UBR2: variants seen among roughly 807,000 people sequenced by gnomAD.
UBR2 encodes the protein E3 ubiquitin-protein ligase UBR2.
A neutral mutation model predicts 247.9 loss-of-function variants in UBR2; 92 were observed. That is an observed-to-expected ratio of 0.37 (90% CI 0.31 to 0.44). The LOEUF is 0.44. Among genes scored for constraint, UBR2 ranks in the 20% least tolerant of loss-of-function variants. UBR2 has a pLI of 1.00. For synonymous variants in UBR2, 672 were observed against 693.5 expected (o/e 0.97, Z 0.49); for missense variants, 1,613 against 2,112.6 (o/e 0.76, Z 4.64).
At chr6:42,618,033 G>A (rs1794670834) in intron 11 of UBR2, among the ~76,000 whole-genome samples, 1 of 152,146 alleles carries the variant, frequency 6.6e-6, no homozygotes, top group Admixed American at 6.6e-5. Flanking sequence ...TATTTAATTT[G>A]TTCAGCAAAT....
chr6:42,673,156 T>A (rs1798539978), intron 36 of UBR2, among the ~76,000 whole-genome samples: 1 of 152,210 alleles, frequency 6.6e-6, no homozygotes, highest in Non-Finnish European at 1.5e-5. Context: ...TACCACCATC[T>A]TCTTAGACAG....
intron 23 of UBR2, among the ~76,000 whole-genome samples, 177 bp downstream of exon 23, chr6:42,650,563 A>G (rs1363850992): frequency 6.6e-6 from 1 of 152,176 alleles, no homozygotes; most frequent in Non-Finnish European, 1.5e-5. Context: ...TCTTGAGTAG[A>G]TGAGATTACA....
At chr6:42,582,282 C>CA (rs397887989) in intron 2 of UBR2, among the ~76,000 whole-genome samples, 6,516 of 85,760 alleles carry the variant, frequency 0.076, 386 homozygotes, top group South Asian at 0.12. Context: ...GACTCCGTCT[C>CA]AAAAAAAAAA....
rs201145148 is a variant in UBR2, at chr6:42,688,253, A to G, written c.4891A>G (p.Thr1631Ala). The change falls in exon 45 of 47, where the codon ACT becomes GCT. Residue 1631 changes from threonine to alanine, a missense_variant. Around this residue, in one of 3 missense-constraint regions of UBR2, gnomAD observed 1,524 missense variants for 1,967.3 expected, o/e 0.77. Transcript: ENST00000372901. Reference sequence around the variant, plus strand: ...AGGTGGTGATAAGAGCAGAGCCCCAACTCTGTGCCTTGTGTGCGGATCTCT... The same window carrying G: ...AGGTGGTGATAAGAGCAGAGCCCCAGCTCTGTGCCTTGTGTGCGGATCTCT... ...KSGGDKSRAP[T>A]LCLVCGSLLC... 6 of 1,614,008 alleles carry G rather than the reference A, an allele frequency of 3.7e-6. No individual in the cohort carries two copies. The highest frequency in any genetic ancestry group is 4.5e-5 in the East Asian group (2 of 44,886).
In UBR2 at chr6:42,612,273, A is replaced by G; in HGVS notation, c.967A>G (p.Ser323Gly). 3 of 1,523,244 alleles carry G rather than the reference A, an allele frequency of 2.0e-6. No homozygotes were observed. Among genetic ancestry groups the G allele is most frequent in the Non-Finnish European group, 2.7e-6 (3 of 1,117,234 alleles). The allele number at this position is 1,523,244 out of a possible 1,614,324, so 94.4% of individuals were successfully genotyped here. ...TTTGAAACTTTTGTCTTGGCTGGGA[A>G]GTATTATTGGATATTCAGGTAGGTT... The part of the protein sequence containing the change: ...FGLKLLSWLG[S>G]IIGYSDGLRR... The change falls in exon 8 of 47, where the codon AGT becomes GGT. Residue 323 changes from serine to glycine, a missense_variant. By Grantham distance (56) the Ser-to-Gly change is moderately conservative (BLOSUM62 0). Transcript: ENST00000372901.
chr6:42,597,964 C>T (rs538634457), intron 4 of UBR2, among the ~76,000 whole-genome samples: 1 of 152,036 alleles, frequency 6.6e-6, no homozygotes, highest in East Asian at 1.9e-4. Flanking sequence ...ATTAAGATAG[C>T]ATTTTGTTTA....
At chr6:42,646,464 C>CAGAGGAAA (rs1264085494) in intron 21 of UBR2, among the ~76,000 whole-genome samples, 4 of 152,190 alleles carry the variant, frequency 2.6e-5, no homozygotes, top group Non-Finnish European at 5.9e-5. Flanking sequence ...CTGTGCCCCA[C>CAGAGGAAA]TGTATTATTT....
intron 16 of UBR2, among the ~76,000 whole-genome samples, 185 bp downstream of exon 16, chr6:42,640,455 G>C (rs1033914921): frequency 1.3e-5 from 2 of 151,476 alleles, no homozygotes; most frequent in African/African-American, 2.4e-5. Context: ...TATATAGAGA[G>C]AGAGAGACAG....
intron 32 of UBR2, among the ~76,000 whole-genome samples, chr6:42,665,164 A>G (rs1798034820): frequency 6.6e-6 from 1 of 152,224 alleles, no homozygotes; most frequent in African/African-American, 2.4e-5. Context: ...AAGAAATTCT[A>G]GCAAATTCCA....
chr6:42,668,350 G>A (rs1735229354), intron 34 of UBR2, among the ~76,000 whole-genome samples: 1 of 152,184 alleles, frequency 6.6e-6, no homozygotes, highest in Admixed American at 6.6e-5. Context: ...TTCTAGGGTA[G>A]AAGTAACTTT....
Position 42,659,660 on chromosome 6 carries a change from G to A in UBR2, c.3247G>A (p.Val1083Met), listed in dbSNP as rs1181384596. 8 of 1,613,280 alleles carry A rather than the reference G, an allele frequency of 5.0e-6. No homozygotes were observed. Among genetic ancestry groups the A allele is most frequent in the Non-Finnish European group, 5.9e-6 (7 of 1,179,680 alleles). The change falls in exon 30 of 47, where the codon GTG becomes ATG. Residue 1083 changes from valine to methionine, a missense_variant. By Grantham distance (21) the Val-to-Met change is conservative (BLOSUM62 1). Around this residue, in one of 3 missense-constraint regions of UBR2, gnomAD observed 1,524 missense variants for 1,967.3 expected, o/e 0.77. Transcript: ENST00000372901. The surrounding 1 kb of genome is among the most constrained non-coding windows in gnomAD (Gnocchi z 4.3). ...STSAVLDHSPVASDMTLTALG... is the reference protein window; with the variant it reads ...STSAVLDHSPMASDMTLTALG... ...TTCATAACCTTTGTATTGCAGCCCT[G>A]TGGCTTCAGATATGACACTTACAGC...
intron 5 of UBR2, among the ~76,000 whole-genome samples, chr6:42,604,807 A>T (rs910316879): frequency 2.0e-5 from 3 of 152,156 alleles, no homozygotes; most frequent in African/African-American, 7.2e-5. Context: ...CAGGTAGATC[A>T]CTTGAGCCCA....
intron 2 of UBR2, among the ~76,000 whole-genome samples, chr6:42,579,671 A>G (rs73438608): frequency 0.022 from 3,327 of 152,198 alleles, 112 homozygotes; most frequent in African/African-American, 0.075. Flanking sequence ...CACCATGCTC[A>G]GCTAACTTTT....
intron 31 of UBR2, 29 bp downstream of exon 31, chr6:42,662,306 A>G: frequency 7.0e-7 from 1 of 1,428,380 alleles, no homozygotes; most frequent in Non-Finnish European, 9.6e-7. Flanking sequence ...ATTTGTCAAG[A>G]GAAGTTTATC....
chr6:42,677,556 T>C (rs1798784729), intron 40 of UBR2, among the ~76,000 whole-genome samples: 2 of 152,190 alleles, frequency 1.3e-5, no homozygotes, highest in Admixed American at 6.5e-5. Context: ...GGCTGGCAGA[T>C]TGCTTGAGCC....
Position 42,659,980 on chromosome 6 carries a change from G to A in UBR2, c.3442+125G>A. ...TGGACTTGGATGGTATCTTTGGCAG[G>A]TAACTTAGGCAGGAATTCCCCACTT... On this transcript the variant is annotated intron_variant, in intron 30 of 46. Coordinates refer to ENST00000372901, the MANE Select transcript of UBR2 (RefSeq NM_001363705.2). The surrounding 1 kb of genome is among the most constrained non-coding windows in gnomAD (Gnocchi z 4.3). 1 of 941,350 alleles carries A rather than the reference G, an allele frequency of 1.1e-6. No individual in the cohort carries two copies. The highest frequency in any genetic ancestry group is 1.6e-6 in the Non-Finnish European group (1 of 637,106). The allele number at this position is 941,350 out of a possible 1,614,324, so 58.3% of individuals were successfully genotyped here.
intron 4 of UBR2, among the ~76,000 whole-genome samples, chr6:42,601,822 A>G (rs1793384208): frequency 6.6e-6 from 1 of 151,644 alleles, no homozygotes; most frequent in Admixed American, 6.6e-5. Flanking sequence ...TTCAAGCTCT[A>G]GACCCATCTG....
At chr6:42,611,917 A>AAG (rs1794117677) in intron 7 of UBR2, among the ~76,000 whole-genome samples, 2 of 145,832 alleles carry the variant, frequency 1.4e-5, no homozygotes, top group Admixed American at 1.3e-4. Context: ...AAAAAAAGAA[A>AAG]AAAAAAAAAA....
Position 42,670,686 on chromosome 6 carries a change from C to A in UBR2, c.4057C>A (p.Pro1353Thr), listed in dbSNP as rs1170932372. 1.2e-6 allele frequency: 2 copies of A among 1,609,990 alleles called. No individual in the cohort carries two copies. Among genetic ancestry groups the A allele is most frequent in the African/African-American group, 1.3e-5 (1 of 74,812 alleles). ...IERILSDEDK[P>T]LFGPLPCRLD... Reference sequence around the variant, plus strand: ...AAGAATTTTGAGTGATGAAGATAAACCATTGTTTGGTCCTTTACCTTGCAG... The same window carrying A: ...AAGAATTTTGAGTGATGAAGATAAAACATTGTTTGGTCCTTTACCTTGCAG... The change falls in exon 36 of 47, where the codon CCA becomes ACA. Residue 1353 changes from proline to threonine, a missense_variant. Coordinates refer to ENST00000372901, the MANE Select transcript of UBR2 (RefSeq NM_001363705.2).
Sources: gnomAD v4.1 joint callset for allele counts (sites outside exome capture counted in the v4.1 genomes callset) on GRCh38, gnomAD v4.1.1 for gene constraint, gnomAD v4.1.1 regional missense constraint, Gnocchi (gnomAD v3.1) non-coding constraint, MANE v1.5 for transcripts, NCBI Gene and HGNC (gene_info 2026-07-23, HGNC 2026-07-21) for gene names.